The following FBXO3 variants were observed in gnomAD, a reference collection of about 807,000 sequenced individuals.
FBXO3 encodes F-box protein 3.
A neutral mutation model predicts 64.8 loss-of-function variants in FBXO3; 17 were observed. That is an observed-to-expected ratio of 0.26 (90% CI 0.18 to 0.39). The LOEUF (loss-of-function observed/expected upper bound fraction) is 0.39, where lower values mean the gene tolerates loss of function less well. Ranked by LOEUF, FBXO3 falls within the 10% of genes least tolerant of loss-of-function variation. The pLI is 1.00. For missense variants in FBXO3, 420 were observed against 589.9 expected (o/e 0.71, Z 2.98); for synonymous variants, 182 against 201.6 (o/e 0.90, Z 0.82).
At position 33,741,830 on chromosome 11, in the gene FBXO3, A is replaced by C; in HGVS notation, c.*78T>G. 2 of 1,398,160 alleles carry C rather than the reference A, an allele frequency of 1.4e-6. No homozygotes were observed. Among genetic ancestry groups the C allele is most frequent in the Non-Finnish European group, 1.9e-6 (2 of 1,057,464 alleles). The allele number at this position is 1,398,160 out of a possible 1,614,324, so 86.6% of individuals were successfully genotyped here. A position where few individuals can be genotyped will look rare whatever the true frequency, so the allele number is the denominator to read the frequency against. On this transcript the variant is annotated 3_prime_UTR_variant, in exon 11 of 11. Transcript: ENST00000265651. ...AGTTTTCCTGCTATATGCAGAGAAC[A>C]ATTTAGTTATTTACATTATTGAGAA...
chr11:33,769,666 T>G (rs1309873269), intron 2 of FBXO3, among the ~76,000 whole-genome samples: 1 of 151,828 alleles, frequency 6.6e-6, no homozygotes, highest in Non-Finnish European at 1.5e-5. Flanking sequence ...CTAACGAGCT[T>G]AGTAAGAAAG....
chr11:33,765,235 G>A (rs1005141185), intron 3 of FBXO3, among the ~76,000 whole-genome samples: 1 of 152,080 alleles, frequency 6.6e-6, no homozygotes, highest in Admixed American at 6.5e-5. Context: ...GGTGAGGGGT[G>A]TATAGAACTC....
At chr11:33,774,075 G>A (rs1488768640) in intron 1 of FBXO3, 2 of 299,416 alleles carry the variant, frequency 6.7e-6, no homozygotes, top group Non-Finnish European at 1.3e-5. Context: ...GGGCCAGCGG[G>A]GGTCCGCGGA....
intron 1 of FBXO3, chr11:33,772,405 T>C (rs11032374): frequency 0.25 from 38,621 of 152,088 alleles, 6,195 homozygotes; most frequent in Middle Eastern, 0.48. Context: ...AAGTAAACTC[T>C]TACTTCCTCA....
At chr11:33,765,996 A>G (rs1855361018) in intron 3 of FBXO3, among the ~76,000 whole-genome samples, 1 of 152,190 alleles carries the variant, frequency 6.6e-6, no homozygotes, top group African/African-American at 2.4e-5. Context: ...ATTTCTTTAT[A>G]GCAATGCAAG....
chr11:33,768,104 A>G (rs16924765), intron 3 of FBXO3, among the ~76,000 whole-genome samples: 2,264 of 152,292 alleles, frequency 0.015, 66 homozygotes, highest in African/African-American at 0.046. Flanking sequence ...ACTGATTCCA[A>G]TTTTAGCTTA....
chr11:33,757,035 G>T (rs372338120), intron 4 of FBXO3: 69 of 518,810 alleles, frequency 1.3e-4, no homozygotes, highest in Non-Finnish European at 2.0e-4. Flanking sequence ...CTGCCCCCAA[G>T]ATTTGACTTC....
chr11:33,774,461 G>C lies in FBXO3; in HGVS notation c.37C>G (p.Leu13Val), dbSNP rs1855590906. ...AGGGGATCGGTGGGCAGCGACTCTA[G>C]GGTCAGCGGCGCCGTCTCGGTCTCC... is the stretch of plus-strand genomic sequence containing the variant. ...AMETETAPLTLESLPTDPLLL... is the reference protein window; with the variant it reads ...AMETETAPLTVESLPTDPLLL... Residue 13 changes from leucine (L) to valine (V), a missense_variant, in exon 1 of 11, where the codon CTA becomes GTA. Coordinates refer to ENST00000265651, the MANE Select transcript of FBXO3 (RefSeq NM_012175.4). 3 of 1,594,948 alleles carry C rather than the reference G, an allele frequency of 1.9e-6. No homozygotes were observed. Among genetic ancestry groups the C allele is most frequent in the Non-Finnish European group, 2.6e-6 (3 of 1,171,282 alleles).
intron 6 of FBXO3, 60 bp from the exon 7 acceptor site, chr11:33,751,667 A>G: frequency 1.0e-6 from 1 of 974,874 alleles, no homozygotes; most frequent in Non-Finnish European, 1.5e-6. Flanking sequence ...AAATCTATAC[A>G]GGAAACAATT....
At chr11:33,766,273 A>G (rs896236319) in intron 3 of FBXO3, among the ~76,000 whole-genome samples, 7 of 152,236 alleles carry the variant, frequency 4.6e-5, no homozygotes, top group Non-Finnish European at 8.8e-5. Flanking sequence ...GATACCTTGC[A>G]TGAGTCACTT....
At chr11:33,770,974 T>C in intron 1 of FBXO3, 144 bp from the exon 2 acceptor site, 1 of 597,154 alleles carries the variant, frequency 1.7e-6, no homozygotes, top group Non-Finnish European at 2.8e-6. Flanking sequence ...AAAACTATTT[T>C]CTAAAACCTG....
intron 3 of FBXO3, among the ~76,000 whole-genome samples, chr11:33,761,964 G>C (rs537740674): frequency 6.6e-6 from 1 of 152,244 alleles, no homozygotes; most frequent in African/African-American, 2.4e-5. Flanking sequence ...GATTAAGTGG[G>C]GCCCAGTCAG....
chr11:33,746,791 T>A, intron 10 of FBXO3: 2 of 1,406,400 alleles, frequency 1.4e-6, no homozygotes, highest in Non-Finnish European at 1.8e-6. Context: ...TGACATTAAA[T>A]TGGAAGTTTG....
intron 3 of FBXO3, 111 bp downstream of exon 3, chr11:33,768,740 A>G: frequency 8.1e-7 from 1 of 1,241,262 alleles, no homozygotes; most frequent in Admixed American, 1.7e-5. Flanking sequence ...AATCACAGAC[A>G]AAGTTGGGTT....
rs758134989 is a variant in FBXO3 at position 33,747,292 on chromosome 11, C to G, written c.1077G>C (p.Arg359=). 8 of 1,610,694 alleles carry G rather than the reference C, an allele frequency of 5.0e-6. No individual in the cohort carries two copies. The highest frequency in any genetic ancestry group is 6.8e-6 in the Non-Finnish European group (8 of 1,179,252). ...TGGTACAGCTTGTGTATTCATATACCCGACCTGGGCTGATGATTGGAAATT... is the reference window on the plus strand; with the variant it reads ...TGGTACAGCTTGTGTATTCATATACGCGACCTGGGCTGATGATTGGAAATT... ...VGEFPIISPG[R]VYEYTSCTTF... is the part of the protein sequence containing the mutation. The change falls in exon 10 of 11, where the codon CGG becomes CGC. Residue 359 remains arginine (R), a synonymous_variant. Coordinates refer to ENST00000265651, the MANE Select transcript of FBXO3 (RefSeq NM_012175.4).
At chr11:33,750,780 C>CA (rs1409325852) in intron 7 of FBXO3, 119 bp from the exon 8 acceptor site, 6 of 914,664 alleles carry the variant, frequency 6.6e-6, no homozygotes, top group Non-Finnish European at 9.7e-6. Context: ...CAGAAAAGTT[C>CA]AATAATATTT....
chr11:33,764,865 T>C (rs1281470129), intron 3 of FBXO3, among the ~76,000 whole-genome samples: 1 of 152,086 alleles, frequency 6.6e-6, no homozygotes, highest in African/African-American at 2.4e-5. Flanking sequence ...TCCCAGCTAC[T>C]TGGGAGGCGG....
At chr11:33,755,360 G>A (rs946346252) in intron 5 of FBXO3, among the ~76,000 whole-genome samples, 3 of 151,978 alleles carry the variant, frequency 2.0e-5, no homozygotes, top group African/African-American at 7.2e-5. Context: ...TCCTAAAAAA[G>A]AACTACATTT....
In FBXO3 at chr11:33,747,933, T is replaced by C. The variant is rs80062666; in HGVS notation, c.1049-613A>G. Among the ~76,000 whole-genome samples, 481 of 149,406 alleles carry C rather than the reference T, an allele frequency of 3.2e-3. 1 individual carries two copies. The highest frequency in any genetic ancestry group is 0.011 in the African/African-American group (463 of 40,912). On this transcript the variant is annotated intron_variant, in intron 9 of 10. Coordinates refer to ENST00000265651, the MANE Select transcript of FBXO3 (RefSeq NM_012175.4). ...TTCTTTTTCAAAAAGCTTTGAGGCA[T>C]TGAAGACACAACCTTTAAGACATGA...
Sources: allele counts gnomAD v4.1 joint callset (sites outside exome capture counted in the v4.1 genomes callset), GRCh38; gene constraint gnomAD v4.1.1; transcripts MANE v1.5; gene names NCBI Gene and HGNC (gene_info 2026-07-23, HGNC 2026-07-21).